ZNF346: variants seen among roughly 807,000 people sequenced by gnomAD.
ZNF346 encodes double-stranded RNA-binding zinc finger protein JAZ.
ZNF346 carries 23 observed loss-of-function variants against 33.7 expected under a neutral mutation model. The ratio of observed to expected loss-of-function variants is 0.68; its 90% CI spans 0.49 to 0.97. ZNF346 has a LOEUF of 0.97. ZNF346 is among the 50% of genes least tolerant of loss of function. The pLI, the probability that ZNF346 is intolerant of heterozygous loss-of-function variation, is 0.00. For missense variants in ZNF346, 340 were observed against 371.1 expected (o/e 0.92, Z 0.69); for synonymous variants, 134 against 142.4 (o/e 0.94, Z 0.42).
intron 1 of ZNF346, chr5:177,023,201 G>C (rs1041955663): frequency 6.4e-5 from 98 of 1,536,472 alleles, no homozygotes; most frequent in Non-Finnish European, 8.3e-5. Flanking sequence ...CCCTATACTC[G>C]TCCTGTCGGA....
chr5:177,036,476 G>A (rs140688675), intron 1 of ZNF346, among the ~76,000 whole-genome samples: 63 of 152,116 alleles, frequency 4.1e-4, no homozygotes, highest in African/African-American at 1.5e-3. Flanking sequence ...TGGTAGGGAA[G>A]CATAATCAAA....
At chr5:177,038,876 T>TGTGTGTGTG (rs1554145941) in intron 1 of ZNF346, among the ~76,000 whole-genome samples, 38 of 135,452 alleles carry the variant, frequency 2.8e-4, no homozygotes, top group African/African-American at 9.6e-4. Flanking sequence ...CTTCTTCTTC[T>TGTGTGTGTG]TGTGTGTGTG....
At chr5:177,024,762 C>A (rs186901838) in intron 1 of ZNF346, among the ~76,000 whole-genome samples, 2 of 152,166 alleles carry the variant, frequency 1.3e-5, no homozygotes, top group Non-Finnish European at 2.9e-5. Context: ...AGAAAGTGAC[C>A]TTTGCCCTGG....
At chr5:177,023,157 C>A in intron 1 of ZNF346, 1 of 1,533,370 alleles carries the variant, frequency 6.5e-7, no homozygotes, top group Non-Finnish European at 8.7e-7. Flanking sequence ...TCATTCACTA[C>A]AGCGCAGTTT....
chr5:177,044,319 G>T, intron 3 of ZNF346, 70 bp from the exon 4 acceptor site: 1 of 1,589,476 alleles, frequency 6.3e-7, no homozygotes, highest in African/African-American at 1.3e-5. Flanking sequence ...GTTATGGGCA[G>T]TGGGGAACCA....
chr5:177,072,717 C>T (rs1004384616), downstream of ZNF346, among the ~76,000 whole-genome samples: 3 of 152,064 alleles, frequency 2.0e-5, no homozygotes, highest in Non-Finnish European at 2.9e-5. Context: ...GGCGTGGTGG[C>T]GCACGTCTGT....
intron 4 of ZNF346, 48 bp downstream of exon 4, chr5:177,044,581 A>G (rs1325022668): frequency 1.9e-6 from 3 of 1,601,626 alleles, no homozygotes; most frequent in African/African-American, 2.7e-5. Context: ...TGCCGTCCTC[A>G]GGGCACTACT....
In ZNF346 at chr5:177,062,050, T is replaced by C. The variant is rs766299681; in HGVS notation, c.704-8T>C. ...GATTACTAAGATCTTGATTTTGATG[T>C]GTTTCAGCTGGAAAGGGCTACCCCT... On this transcript the variant is annotated splice_polypyrimidine_tract_variant and splice_region_variant and intron_variant, in intron 5 of 6. Coordinates refer to ENST00000358149, the MANE Select transcript of ZNF346 (RefSeq NM_012279.4). The C allele has an allele frequency of 1.9e-6, 3 of 1,611,390 alleles. No homozygotes were observed. Among genetic ancestry groups the C allele is most frequent in the Non-Finnish European group, 2.5e-6 (3 of 1,178,162 alleles).
intron 1 of ZNF346, among the ~76,000 whole-genome samples, chr5:177,030,597 AT>A (rs1431351686): frequency 1.3e-4 from 20 of 151,894 alleles, no homozygotes; most frequent in African/African-American, 4.1e-4. Context: ...GTGAGCCACC[AT>A]GCCTGGCTAT....
intron 8 of ZNF346, among the ~76,000 whole-genome samples, chr5:177,079,082 C>G (rs2149722846): frequency 6.6e-6 from 1 of 152,102 alleles, no homozygotes; most frequent in South Asian, 2.1e-4. Flanking sequence ...ACCAGCCTGG[C>G]CAACATGGTG....
rs1310189635 is a variant in ZNF346, at chr5:177,064,554, G to A, written c.840G>A (p.Met280Ile). Reference protein sequence around the residue: ...TVASSLGQIPMQRQPIQKDST... With the variant: ...TVASSLGQIPIQRQPIQKDST... Reference sequence around the variant, plus strand: ...CATCATCCCTGGGCCAGATTCCAATGCAAAGGCAACCCATTCAGAAAGACT... The same window carrying A: ...CATCATCCCTGGGCCAGATTCCAATACAAAGGCAACCCATTCAGAAAGACT... Residue 280 changes from methionine (M) to isoleucine (I), a missense_variant, in exon 7 of 7, where the codon ATG (methionine) becomes ATA (isoleucine). Met to Ile is a conservative substitution (Grantham distance 10). Transcript: ENST00000358149. 1 of 1,614,222 alleles carries A rather than the reference G, an allele frequency of 6.2e-7. No individual in the cohort carries two copies. The highest frequency in any genetic ancestry group is 1.3e-5 in the African/African-American group (1 of 75,068).
intron 8 of ZNF346, among the ~76,000 whole-genome samples, chr5:177,078,908 AATAG>A (rs1783874052): frequency 6.6e-6 from 1 of 151,802 alleles, no homozygotes; most frequent in African/African-American, 2.4e-5. Context: ...GTCTCAAATA[AATAG>A]ATAAATAAAT....
intron 1 of ZNF346, among the ~76,000 whole-genome samples, chr5:177,034,859 A>G (rs1436419751): frequency 1.3e-5 from 2 of 152,242 alleles, no homozygotes; most frequent in African/African-American, 4.8e-5. Flanking sequence ...AAGTTGTTAC[A>G]GTCAAAGCAT....
chr5:177,025,987 T>G (rs1340728049), intron 1 of ZNF346, among the ~76,000 whole-genome samples: 1 of 90,082 alleles, frequency 1.1e-5, no homozygotes, highest in African/African-American at 3.7e-5. Flanking sequence ...TCTTCCTTAT[T>G]ATTATTATTA....
intron 5 of ZNF346, among the ~76,000 whole-genome samples, chr5:177,056,557 CAT>C (rs1260202923): frequency 6.6e-6 from 1 of 152,194 alleles, no homozygotes; most frequent in African/African-American, 2.4e-5. Context: ...AATTGTGGCA[CAT>C]ATACACCATG....
Position 177,067,792 on chromosome 5 carries a change from G to A in ZNF346, c.*3193G>A, listed in dbSNP as rs948615497. The stretch of plus-strand genomic sequence containing the variant: ...ATTTCATCTGCATAACAACCTTTGA[G>A]CTAAGAGTTAATATTCCATATAGAG... On this transcript the variant is annotated 3_prime_UTR_variant, in exon 7 of 7. Coordinates refer to ENST00000358149, the MANE Select transcript of ZNF346 (RefSeq NM_012279.4). Among the ~76,000 whole-genome samples the A allele has an allele frequency of 1.3e-5, 2 of 152,096 alleles. No individual in the cohort carries two copies. The highest frequency in any genetic ancestry group is 2.9e-5 in the Non-Finnish European group (2 of 68,016).
chr5:177,055,384 G>A (rs1781538051), intron 5 of ZNF346, among the ~76,000 whole-genome samples: 1 of 151,888 alleles, frequency 6.6e-6, no homozygotes. Flanking sequence ...CTGAAATTTT[G>A]GGCACTAAAA....
intron 6 of ZNF346, among the ~76,000 whole-genome samples, chr5:177,063,024 G>A (rs563633034): frequency 1.1e-4 from 17 of 152,048 alleles, no homozygotes; most frequent in East Asian, 1.9e-4. Flanking sequence ...CTTCCTCTCC[G>A]AAGGGAAACG....
downstream of ZNF346, among the ~76,000 whole-genome samples, chr5:177,069,256 AG>A (rs1783381772): frequency 8.4e-6 from 1 of 118,716 alleles, no homozygotes; most frequent in Non-Finnish European, 1.6e-5. Flanking sequence ...CAGGAGTTCC[AG>A]ACCAGCCTAG....
Sources: allele counts gnomAD v4.1 joint callset (sites outside exome capture counted in the v4.1 genomes callset), GRCh38; gene constraint gnomAD v4.1.1; transcripts MANE v1.5; gene names NCBI Gene and HGNC (gene_info 2026-07-23, HGNC 2026-07-21).